ELMO1: variants seen among roughly 807,000 people sequenced by gnomAD.
The protein encoded by ELMO1 is engulfment and cell motility 1.
A neutral mutation model predicts 98.9 loss-of-function variants in ELMO1; 26 were observed. That is an observed-to-expected ratio of 0.26 (90% confidence interval 0.19 to 0.36). ELMO1 has a LOEUF of 0.36. Ranked by LOEUF, ELMO1 falls within the 10% of genes least tolerant of loss-of-function variation. The probability of loss-of-function intolerance (pLI) is 1.00; values close to 1 mark genes in which losing one functional copy is unlikely to be tolerated. For synonymous variants in ELMO1, 346 were observed against 346.0 expected (o/e 1.00, Z 0.00); for missense variants, 627 against 935.2 (o/e 0.67, Z 4.30).
chr7:36,992,439 T>C (rs187992564), intron 16 of ELMO1, among the ~76,000 whole-genome samples: 1 of 152,312 alleles, frequency 6.6e-6, no homozygotes, highest in East Asian at 1.9e-4. Flanking sequence ...ACTTGCCAAT[T>C]TGAATTTTCC....
At chr7:37,326,334 C>A (rs1203204992) in intron 2 of ELMO1, among the ~76,000 whole-genome samples, 1 of 152,160 alleles carries the variant, frequency 6.6e-6, no homozygotes, top group African/African-American at 2.4e-5. Context: ...GCAGGCAGAT[C>A]ACCTGAGGTC....
At chr7:37,304,703 G>A (rs187754112) in intron 4 of ELMO1, among the ~76,000 whole-genome samples, 1,598 of 152,248 alleles carry the variant, frequency 0.01, 42 homozygotes, top group Non-Finnish European at 0.01. Flanking sequence ...GCGACAGAGC[G>A]AGACTCTGTC....
At chr7:37,305,782 A>T (rs2131047932) in intron 4 of ELMO1, among the ~76,000 whole-genome samples, 1 of 152,388 alleles carries the variant, frequency 6.6e-6, no homozygotes, top group Non-Finnish European at 1.5e-5. Flanking sequence ...CAGAGCTGGA[A>T]TATACAGTTT....
intron 13 of ELMO1, chr7:37,204,029 C>T (rs1040810326): frequency 4.5e-6 from 2 of 448,734 alleles, no homozygotes; most frequent in Non-Finnish European, 9.0e-6. Context: ...AACTGGCCAA[C>T]AGGTGCCCAG....
At chr7:37,258,901 C>A (rs1193142075) in intron 6 of ELMO1, among the ~76,000 whole-genome samples, 1 of 151,890 alleles carries the variant, frequency 6.6e-6, no homozygotes, top group Middle Eastern at 3.2e-3. Flanking sequence ...CCAAGGCCCT[C>A]TGAGATAATG....
intron 13 of ELMO1, among the ~76,000 whole-genome samples, chr7:37,195,655 G>A (rs1036187921): frequency 9.9e-5 from 15 of 152,198 alleles, no homozygotes; most frequent in African/African-American, 3.6e-4. Flanking sequence ...CCTCCTCCCA[G>A]AGCTTTCCTC....
At chr7:37,166,217 A>G (rs1206427505) in intron 13 of ELMO1, among the ~76,000 whole-genome samples, 2 of 151,598 alleles carry the variant, frequency 1.3e-5, no homozygotes, top group African/African-American at 4.9e-5. Flanking sequence ...CGTCTATTTG[A>G]TTCTTCTCTC....
chr7:37,336,230 A>G (rs998991874), intron 2 of ELMO1, among the ~76,000 whole-genome samples: 1 of 146,818 alleles, frequency 6.8e-6, no homozygotes, highest in Admixed American at 6.8e-5. Flanking sequence ...TGCGTCAAGG[A>G]AAAAAAAAAA....
At chr7:37,177,341 A>G (rs2129925329) in intron 13 of ELMO1, among the ~76,000 whole-genome samples, 2 of 152,202 alleles carry the variant, frequency 1.3e-5, no homozygotes, top group African/African-American at 4.8e-5. Context: ...TCATGAGCAC[A>G]AGAAAGTACA....
At chr7:37,238,711 A>AG (rs1192014831) in intron 7 of ELMO1, among the ~76,000 whole-genome samples, 7 of 152,272 alleles carry the variant, frequency 4.6e-5, no homozygotes, top group African/African-American at 1.7e-4. Context: ...AAGATGAGGA[A>AG]GTTCCCTCTA....
chr7:36,876,282 G>C (rs148944236), intron 19 of ELMO1, among the ~76,000 whole-genome samples: 1 of 152,172 alleles, frequency 6.6e-6, no homozygotes, highest in African/African-American at 2.4e-5. Context: ...TAGCAGAAGG[G>C]ACTGTCTTTT....
intron 15 of ELMO1, among the ~76,000 whole-genome samples, chr7:37,075,407 A>G (rs6944352): frequency 0.12 from 18,545 of 151,158 alleles, 1,495 homozygotes; most frequent in African/African-American, 0.24. Context: ...CACCCGCCTC[A>G]GCCTCCCAAA....
At chr7:37,386,209 C>T (rs1395761238) in intron 1 of ELMO1, among the ~76,000 whole-genome samples, 1 of 152,138 alleles carries the variant, frequency 6.6e-6, no homozygotes, top group African/African-American at 2.4e-5. Context: ...GCCAGAAAGT[C>T]GCCTTGGATT....
rs142204383 is a variant in ELMO1, at chr7:37,241,379, C to T, written c.449+2977G>A. Among the ~76,000 whole-genome samples the T allele has an allele frequency of 2.3e-3, 353 of 152,084 alleles. 2 individuals are homozygous for T. The highest frequency in any genetic ancestry group is 8.1e-3 in the African/African-American group (338 of 41,540). On this transcript the variant is annotated intron_variant, in intron 7 of 21. Transcript: ENST00000310758. ...TGTTTTTCCATCCTTTTATTTTCAA[C>T]GTACATGTGCCCTTGTCTTTATAGT... is the stretch of plus-strand genomic sequence containing the variant.
At chr7:37,206,500 T>A (rs1792630619) in intron 13 of ELMO1, among the ~76,000 whole-genome samples, 2 of 152,198 alleles carry the variant, frequency 1.3e-5, no homozygotes, top group Admixed American at 1.3e-4. Context: ...GAAGGAAAAA[T>A]ATAAATATGC....
chr7:37,208,877 C>A (rs750605492), intron 13 of ELMO1, among the ~76,000 whole-genome samples: 3 of 152,006 alleles, frequency 2.0e-5, no homozygotes, highest in Non-Finnish European at 4.4e-5. Context: ...TAAAAAAGAA[C>A]CATGGAAAAA....
intron 11 of ELMO1, 99 bp from the exon 12 acceptor site, chr7:37,213,556 G>T: frequency 4.3e-6 from 5 of 1,156,336 alleles, no homozygotes; most frequent in Admixed American, 2.4e-5. Context: ...TCACTGGGAG[G>T]TATAAGGAAT....
intron 14 of ELMO1, among the ~76,000 whole-genome samples, chr7:37,106,642 T>A (rs1584653721): frequency 1.3e-5 from 2 of 149,484 alleles, no homozygotes; most frequent in Middle Eastern, 3.4e-3. Context: ...AGGATGACAG[T>A]CCTACAGGAC....
intron 13 of ELMO1, among the ~76,000 whole-genome samples, chr7:37,134,826 T>C (rs1787160882): frequency 6.6e-6 from 1 of 152,172 alleles, no homozygotes; most frequent in Non-Finnish European, 1.5e-5. Flanking sequence ...AAGTCAAATG[T>C]CACATATTCT....
Sources: allele counts gnomAD v4.1 joint callset (sites outside exome capture counted in the v4.1 genomes callset), GRCh38; gene constraint gnomAD v4.1.1; transcripts MANE v1.5; gene names NCBI Gene and HGNC (gene_info 2026-07-23, HGNC 2026-07-21).